CALN1: variants seen among roughly 807,000 people sequenced by gnomAD.
CALN1 encodes calneuron 1.
Under a neutral mutation model 30.6 loss-of-function variants are expected in CALN1, and 17 were observed. That is an observed-to-expected ratio of 0.56 (90% CI 0.38 to 0.83). The LOEUF is 0.83. Among genes scored for constraint, CALN1 ranks in the 40% least tolerant of loss-of-function variants. The pLI is 0.00. For missense variants in CALN1, 291 were observed against 354.9 expected (o/e 0.82, Z 1.45); for synonymous variants, 156 against 131.4 (o/e 1.19, Z -1.28).
chr7:72,097,709 T>A (rs1457865063), intron 4 of CALN1, among the ~76,000 whole-genome samples: 1 of 152,188 alleles, frequency 6.6e-6, no homozygotes, highest in East Asian at 1.9e-4. Flanking sequence ...ACTATTTTTT[T>A]TTCTTTTATA....
At chr7:72,076,384 A>T (rs1290846959) in intron 4 of CALN1, among the ~76,000 whole-genome samples, 2 of 151,748 alleles carry the variant, frequency 1.3e-5, no homozygotes, top group Non-Finnish European at 2.9e-5. Context: ...AGATCACTTG[A>T]GGTCGGGAGT....
intron 3 of CALN1, among the ~76,000 whole-genome samples, chr7:72,186,884 GCTTTTT>G (rs893783700): frequency 6.2e-5 from 6 of 97,556 alleles, no homozygotes; most frequent in African/African-American, 1.2e-4. Flanking sequence ...TGAGTGCAGA[GCTTTTT>G]TTTTTTTTTT....
At chr7:71,956,386 G>A (rs559385187) in intron 5 of CALN1, among the ~76,000 whole-genome samples, 5 of 152,198 alleles carry the variant, frequency 3.3e-5, no homozygotes, top group African/African-American at 7.2e-5. Flanking sequence ...GGACTTGGGA[G>A]CTACAGAAAG....
At chr7:72,006,585 A>T (rs1228018062) in intron 5 of CALN1, among the ~76,000 whole-genome samples, 2 of 152,122 alleles carry the variant, frequency 1.3e-5, no homozygotes, top group Non-Finnish European at 2.9e-5. Flanking sequence ...TTTTTTTTAA[A>T]GAAAAAGGAT....
At chr7:72,474,149 T>A in the CALN1 span, among the ~76,000 whole-genome samples, 1,703 of 152,232 alleles carry the variant, frequency 0.011, 36 homozygotes, top group African/African-American at 0.039. Flanking sequence ...AAAACATTCA[T>A]CAAGTTAACA....
intron 4 of CALN1, among the ~76,000 whole-genome samples, chr7:72,091,159 T>G (rs925754335): frequency 2.6e-5 from 4 of 152,146 alleles, no homozygotes; most frequent in African/African-American, 9.7e-5. Context: ...TGAGACTCCC[T>G]TTCTACTAAA....
intron 2 of CALN1, among the ~76,000 whole-genome samples, chr7:72,354,906 C>CT (rs200557517): frequency 0.2 from 28,271 of 140,298 alleles, 3,571 homozygotes; most frequent in East Asian, 0.41. Flanking sequence ...TTTTTCTTTT[C>CT]TTTTTTTTTT....
At chr7:71,937,326 CA>C (rs763054556) in intron 5 of CALN1, among the ~76,000 whole-genome samples, 7 of 146,996 alleles carry the variant, frequency 4.8e-5, no homozygotes, top group African/African-American at 1.0e-4. Context: ...AAAACAACAC[CA>C]AAAAAAAACC....
chr7:72,337,200 G>T, intron 2 of CALN1: 1 of 985,148 alleles, frequency 1.0e-6, no homozygotes, highest in Non-Finnish European at 1.2e-6. Context: ...CCTCCCCAGC[G>T]GATCCCCCAG....
intron 5 of CALN1, among the ~76,000 whole-genome samples, chr7:71,977,918 T>G (rs1798179851): frequency 7.3e-6 from 1 of 136,312 alleles, no homozygotes; most frequent in Admixed American, 8.0e-5. Flanking sequence ...GGAGACAGAG[T>G]GAGACTCTGT....
At chr7:72,169,286 CTT>C (rs1474163921) in intron 3 of CALN1, among the ~76,000 whole-genome samples, 4 of 151,860 alleles carry the variant, frequency 2.6e-5, no homozygotes, top group Non-Finnish European at 4.4e-5. Context: ...TCACTTGCCT[CTT>C]GTTTTTATCT....
chr7:72,146,358 C>A (rs1205713671), intron 3 of CALN1, among the ~76,000 whole-genome samples: 3 of 152,158 alleles, frequency 2.0e-5, no homozygotes, highest in Non-Finnish European at 4.4e-5. Context: ...TGAGTGAACT[C>A]CCATTCACAA....
At chr7:72,226,496 GA>G (rs1259653363) in intron 3 of CALN1, among the ~76,000 whole-genome samples, 4 of 152,234 alleles carry the variant, frequency 2.6e-5, no homozygotes, top group African/African-American at 9.6e-5. Flanking sequence ...TTCATAAGAT[GA>G]CCCAGCTTCA....
At chr7:72,175,734 G>A (rs973361791) in intron 3 of CALN1, among the ~76,000 whole-genome samples, 6 of 152,102 alleles carry the variant, frequency 3.9e-5, no homozygotes, top group Non-Finnish European at 5.9e-5. Flanking sequence ...TTAAGTTCCA[G>A]CTCCCTTTCT....
chr7:72,397,714 T>TCACTCACACACACACACACACA (rs1554400010), intron 2 of CALN1, among the ~76,000 whole-genome samples: 2 of 142,912 alleles, frequency 1.4e-5, no homozygotes, highest in East Asian at 2.1e-4. Context: ...CCATTCTCTC[T>TCACTCACACACACACACACACA]CACACACACA....
chr7:72,017,017 A>AAAAAAAAAAAAAAT (rs1562979451), intron 5 of CALN1, among the ~76,000 whole-genome samples: 1 of 147,484 alleles, frequency 6.8e-6, no homozygotes, highest in African/African-American at 2.6e-5. Flanking sequence ...AAAAAAAAAA[A>AAAAAAAAAAAAAAT]GCTGGGTATG....
At chr7:72,457,741 C>T in the CALN1 span, among the ~76,000 whole-genome samples, 2 of 151,134 alleles carry the variant, frequency 1.3e-5, no homozygotes, top group African/African-American at 4.9e-5. Flanking sequence ...TGGCAAGTGG[C>T]CCTTACCTTC....
chr7:72,320,121 G>A (rs963667716), intron 2 of CALN1, among the ~76,000 whole-genome samples: 6 of 152,042 alleles, frequency 3.9e-5, no homozygotes, highest in African/African-American at 7.2e-5. Flanking sequence ...ATGACACAGC[G>A]AGACTCCATC....
chr7:71,795,998 T>C (rs1026994380), intron 6 of CALN1, among the ~76,000 whole-genome samples: 1 of 151,436 alleles, frequency 6.6e-6, no homozygotes, highest in Non-Finnish European at 1.5e-5. Context: ...TTTTGCATTT[T>C]TTTTTTTTAG....
Sources: allele counts gnomAD v4.1 joint callset (sites outside exome capture counted in the v4.1 genomes callset), GRCh38; gene constraint gnomAD v4.1.1; transcripts MANE v1.5; gene names NCBI Gene and HGNC (gene_info 2026-07-23, HGNC 2026-07-21).